The following SNX8 variants were observed in gnomAD, a reference collection of about 807,000 sequenced individuals.
The protein encoded by SNX8 is sorting nexin 8.
SNX8 carries 25 observed loss-of-function variants against 51.6 expected under a neutral mutation model. The ratio of observed to expected loss-of-function variants is 0.48; its 90% CI spans 0.35 to 0.68. The LOEUF (loss-of-function observed/expected upper bound fraction) is 0.68, where lower values mean the gene tolerates loss of function less well. SNX8 is among the 30% of genes least tolerant of loss of function. SNX8 has a pLI of 0.00. For missense variants in SNX8, 695 were observed against 624.0 expected (o/e 1.11, Z -1.21); for synonymous variants, 324 against 277.0 (o/e 1.17, Z -1.68).
At chr7:2,284,121 G>A (rs6957272) in intron 1 of SNX8, among the ~76,000 whole-genome samples, 1 of 151,976 alleles carries the variant, frequency 6.6e-6, no homozygotes, top group Non-Finnish European at 1.5e-5. Context: ...GTAGAGATGG[G>A]GTTTCACCAT....
chr7:2,256,862 G>A lies in SNX8; in HGVS notation c.1284+12C>T, dbSNP rs556255222. On this transcript the variant is annotated intron_variant, in intron 10 of 10. Coordinates refer to ENST00000222990, the MANE Select transcript of SNX8 (RefSeq NM_013321.4). ...CGTGGCCGAGACGGCGGCCGGAGCA[G>A]GGCGGACTCACCTCCTTGTGCCCTT... 6.8e-6 allele frequency: 11 copies of A among 1,607,956 alleles called. No individual in the cohort carries two copies. The African/African-American group carries it at 1.3e-4, about 19-fold the overall frequency.
chr7:2,321,354 T>C (rs1437432683), intron 1 of SNX8, among the ~76,000 whole-genome samples: 3 of 152,190 alleles, frequency 2.0e-5, no homozygotes, highest in Admixed American at 6.6e-5. Flanking sequence ...CCGACACGTC[T>C]GCCTTCAGCA....
chr7:2,272,179 C>T (rs1045001535), intron 3 of SNX8, among the ~76,000 whole-genome samples: 7 of 152,168 alleles, frequency 4.6e-5, no homozygotes, highest in African/African-American at 1.7e-4. Context: ...CCCCTCCAGC[C>T]ACACACACTT....
intron 1 of SNX8, among the ~76,000 whole-genome samples, chr7:2,300,331 T>G (rs1313847368): frequency 6.6e-6 from 1 of 152,202 alleles, no homozygotes; most frequent in African/African-American, 2.4e-5. Flanking sequence ...AGATTTTATG[T>G]TGAACTCAAC....
chr7:2,318,392 C>T (rs998980646), upstream of SNX8, among the ~76,000 whole-genome samples: 6 of 151,658 alleles, frequency 4.0e-5, no homozygotes, highest in Non-Finnish European at 7.4e-5. Flanking sequence ...CAGTCTCTAC[C>T]GGGCGCCTGT....
chr7:2,272,501 A>G (rs1795673579), intron 3 of SNX8, among the ~76,000 whole-genome samples: 1 of 150,826 alleles, frequency 6.6e-6, no homozygotes, highest in Non-Finnish European at 1.5e-5. Flanking sequence ...CAGCCTCTGG[A>G]ATTAGCTGGG....
chr7:2,257,113 C>T (rs1212626264), intron 9 of SNX8, 90 bp from the exon 10 acceptor site: 5 of 1,416,676 alleles, frequency 3.5e-6, no homozygotes, highest in South Asian at 2.8e-5. Flanking sequence ...TGAGCCAGGG[C>T]GGCCCCTTCT....
At chr7:2,319,544 G>A (rs956162905) in intron 1 of SNX8, among the ~76,000 whole-genome samples, 3 of 151,960 alleles carry the variant, frequency 2.0e-5, no homozygotes, top group Non-Finnish European at 4.4e-5. Context: ...GGCCAGGCGC[G>A]GTGGCTCACG....
intron 7 of SNX8, among the ~76,000 whole-genome samples, chr7:2,261,808 C>T (rs1354922488): frequency 3.9e-5 from 6 of 152,212 alleles, no homozygotes. Context: ...CTCTTCAGCA[C>T]GAAAAACGTC....
intron 1 of SNX8, among the ~76,000 whole-genome samples, chr7:2,287,569 A>T (rs1429886221): frequency 6.6e-6 from 1 of 151,990 alleles, no homozygotes; most frequent in Non-Finnish European, 1.5e-5. Flanking sequence ...ACAAGAGCAA[A>T]ACTTTGTCTC....
upstream of SNX8, among the ~76,000 whole-genome samples, chr7:2,317,303 G>T: frequency 1.1e-5 from 1 of 89,772 alleles, no homozygotes; most frequent in South Asian, 4.1e-4. Context: ...TTTTGAGACA[G>T]AGTCTCACTC....
upstream of SNX8, among the ~76,000 whole-genome samples, chr7:2,317,087 AG>A (rs918403107): frequency 6.6e-6 from 1 of 151,806 alleles, no homozygotes; most frequent in African/African-American, 2.4e-5. Context: ...TACCAGAGTT[AG>A]GGCTGGAGGA....
chr7:2,258,095 C>G (rs573369763), intron 7 of SNX8, among the ~76,000 whole-genome samples: 1 of 151,498 alleles, frequency 6.6e-6, no homozygotes, highest in African/African-American at 2.4e-5. Flanking sequence ...ACTGCAAGCT[C>G]CGCCTCCCGG....
chr7:2,305,996 C>G (rs1000955068), intron 1 of SNX8, among the ~76,000 whole-genome samples: 5 of 152,144 alleles, frequency 3.3e-5, no homozygotes, highest in African/African-American at 1.2e-4. Flanking sequence ...TGCCTTCTTC[C>G]CGCCAGAGGG....
rs767419725 is a variant in SNX8 at position 2,263,315 on chromosome 7, T to A, written c.830A>T (p.Asn277Ile). 1 of 1,613,594 alleles carries A rather than the reference T, an allele frequency of 6.2e-7. No homozygotes were observed. Among genetic ancestry groups the A allele is most frequent in the Non-Finnish European group, 8.5e-7 (1 of 1,179,846 alleles). The change falls in exon 7 of 11, where the codon AAT (asparagine) becomes ATT (isoleucine). Residue 277 changes from asparagine (N) to isoleucine (I), a missense_variant. Coordinates refer to ENST00000222990, the MANE Select transcript of SNX8 (RefSeq NM_013321.4). ...CTTCAGGGACCCCCACGTGCTGCTA[T>A]TCAGAGCGGCCCAGGAGGGCAGCGG... ...TTPLPSWAAL[N>I]SSTWGSLKQA...
At chr7:2,302,873 C>T (rs1796435164) in intron 1 of SNX8, among the ~76,000 whole-genome samples, 2 of 151,320 alleles carry the variant, frequency 1.3e-5, no homozygotes, top group Admixed American at 1.3e-4. Context: ...TGGCAACCGC[C>T]CCGTCTGAGA....
At chr7:2,296,382 G>C (rs914150752) in intron 1 of SNX8, among the ~76,000 whole-genome samples, 1 of 151,888 alleles carries the variant, frequency 6.6e-6, no homozygotes, top group Non-Finnish European at 1.5e-5. Flanking sequence ...TCTCAGCTTG[G>C]TCGCTGCTGG....
At chr7:2,334,435 C>A (rs973696620) in intron 1 of SNX8, among the ~76,000 whole-genome samples, 16 of 149,186 alleles carry the variant, frequency 1.1e-4, no homozygotes, top group African/African-American at 4.0e-4. Context: ...CAGTGGCTCG[C>A]GCCTGTAATC....
chr7:2,314,719 A>G (rs958960906), upstream of SNX8, among the ~76,000 whole-genome samples: 132 of 152,172 alleles, frequency 8.7e-4, 3 homozygotes, highest in Non-Finnish European at 2.9e-4. Context: ...CTCAGGCGCA[A>G]GCCTGCACCC....
Sources: allele counts gnomAD v4.1 joint callset (sites outside exome capture counted in the v4.1 genomes callset), GRCh38; gene constraint gnomAD v4.1.1; transcripts MANE v1.5; gene names NCBI Gene and HGNC (gene_info 2026-07-23, HGNC 2026-07-21).